The following ZMAT4 variants were observed in gnomAD, a reference collection of about 807,000 sequenced individuals.
ZMAT4 encodes the protein zinc finger matrin-type protein 4.
A neutral mutation model predicts 28.7 loss-of-function variants in ZMAT4; 17 were observed. That is an observed-to-expected ratio of 0.59 (90% CI 0.41 to 0.89). The LOEUF (loss-of-function observed/expected upper bound fraction) is 0.89, where lower values mean the gene tolerates loss of function less well. Ranked by LOEUF, ZMAT4 falls within the 40% of genes least tolerant of loss-of-function variation. ZMAT4 has a pLI of 0.00. For missense variants in ZMAT4, 240 were observed against 283.8 expected (o/e 0.85, Z 1.11); for synonymous variants, 117 against 109.2 (o/e 1.07, Z -0.44).
intron 6 of ZMAT4, among the ~76,000 whole-genome samples, 171 bp from the exon 7 acceptor site, chr8:40,532,409 A>G (rs940014558): frequency 5.7e-5 from 3 of 52,594 alleles, no homozygotes; most frequent in Non-Finnish European, 9.7e-5. Flanking sequence ...AATAACCTGT[A>G]TATATAAAAT....
In ZMAT4 at chr8:40,688,186, G is replaced by A. The variant is rs566827960; in HGVS notation, c.349+9059C>T. On this transcript the variant is annotated intron_variant, in intron 4 of 6. Coordinates refer to ENST00000297737, the MANE Select transcript of ZMAT4 (RefSeq NM_024645.3). Reference sequence around the variant, plus strand: ...AATAAAATAAAATAGGCCGGGGGGCGGTGGCTCATGCCTGTAATCCCAGCA... The same window carrying A: ...AATAAAATAAAATAGGCCGGGGGGCAGTGGCTCATGCCTGTAATCCCAGCA... Among the ~76,000 whole-genome samples, 18 of 152,270 alleles carry A rather than the reference G, an allele frequency of 1.2e-4. No individual in the cohort carries two copies. The East Asian group carries it at 1.5e-3, about 13-fold the overall frequency.
At chr8:40,639,767 T>C (rs1303049476) in intron 5 of ZMAT4, among the ~76,000 whole-genome samples, 1 of 65,278 alleles carries the variant, frequency 1.5e-5, no homozygotes, top group Non-Finnish European at 3.3e-5. Context: ...TTAAGTCCTT[T>C]TGTTACACAC....
chr8:40,587,498 T>C (rs1446543706), intron 5 of ZMAT4, among the ~76,000 whole-genome samples: 1 of 152,190 alleles, frequency 6.6e-6, no homozygotes, highest in Admixed American at 6.5e-5. Context: ...AGCACAAGAA[T>C]GGCTCGGAGT....
intron 4 of ZMAT4, among the ~76,000 whole-genome samples, chr8:40,695,548 G>A (rs1411614520): frequency 7.2e-5 from 11 of 152,224 alleles, no homozygotes; most frequent in Non-Finnish European, 1.5e-4. Flanking sequence ...GCAACAGGGA[G>A]GGCTGAGCTA....
chr8:40,763,470 T>G (rs1813018482), intron 3 of ZMAT4, among the ~76,000 whole-genome samples: 2 of 152,146 alleles, frequency 1.3e-5, no homozygotes, highest in South Asian at 4.1e-4. Context: ...TATAAAGCAT[T>G]TAGAACACGT....
At chr8:40,573,119 G>A (rs75877560) in intron 6 of ZMAT4, among the ~76,000 whole-genome samples, 14,642 of 152,154 alleles carry the variant, frequency 0.096, 920 homozygotes, top group Admixed American at 0.19. Context: ...AGGCTCACAA[G>A]TTACACTCCA....
Position 40,581,235 on chromosome 8 carries a change from T to A in ZMAT4, c.604A>T (p.Ile202Phe). The change falls in exon 6 of 7, where the codon ATC becomes TTC. Residue 202 changes from isoleucine to phenylalanine, a missense_variant. Transcript: ENST00000297737. ...RGLRRNYRCT[I>F]CSVSLNSIEQ... ...ATTGAGTTTAGGGAGACACTGCAGATGGTACATCTGTAATTGCGCCTCAGA... is the reference window on the plus strand; with the variant it reads ...ATTGAGTTTAGGGAGACACTGCAGAAGGTACATCTGTAATTGCGCCTCAGA... 2 of 1,613,468 alleles carry A rather than the reference T, an allele frequency of 1.2e-6. No homozygotes were observed. Among genetic ancestry groups the A allele is most frequent in the Non-Finnish European group, 1.7e-6 (2 of 1,179,544 alleles).
intron 6 of ZMAT4, among the ~76,000 whole-genome samples, chr8:40,564,831 A>G (rs1397685130): frequency 6.6e-6 from 1 of 152,224 alleles, no homozygotes; most frequent in Admixed American, 6.5e-5. Context: ...CATTGTGGGC[A>G]CAGGATGAGA....
intron 5 of ZMAT4, among the ~76,000 whole-genome samples, chr8:40,591,701 G>A (rs758821602): frequency 5.9e-5 from 9 of 152,132 alleles, no homozygotes; most frequent in East Asian, 1.9e-4. Context: ...TGTATCATTC[G>A]TAGTGGTTTA....
chr8:40,679,516 A>G (rs1018734319), intron 4 of ZMAT4, among the ~76,000 whole-genome samples: 1 of 152,190 alleles, frequency 6.6e-6, no homozygotes, highest in African/African-American at 2.4e-5. Context: ...ACATGGCAGC[A>G]GGAAGGAGAA....
intron 6 of ZMAT4, among the ~76,000 whole-genome samples, chr8:40,572,843 G>T (rs751159100): frequency 4.6e-5 from 7 of 152,100 alleles, no homozygotes; most frequent in Non-Finnish European, 8.8e-5. Context: ...GTAAAAGACC[G>T]TGTCTGGTTA....
chr8:40,565,561 A>G (rs1413705103), intron 6 of ZMAT4, among the ~76,000 whole-genome samples: 3 of 151,578 alleles, frequency 2.0e-5, no homozygotes, highest in African/African-American at 7.3e-5. Context: ...TATTTTTAGT[A>G]CAGATGGGAT....
At chr8:40,700,854 C>T (rs1810112124) in intron 3 of ZMAT4, among the ~76,000 whole-genome samples, 1 of 152,122 alleles carries the variant, frequency 6.6e-6, no homozygotes, top group African/African-American at 2.4e-5. Flanking sequence ...TATTTGTCTG[C>T]CTCATGAGAT....
At chr8:40,671,954 T>C (rs759046261) in intron 5 of ZMAT4, among the ~76,000 whole-genome samples, 1 of 152,232 alleles carries the variant, frequency 6.6e-6, no homozygotes, top group Non-Finnish European at 1.5e-5. Context: ...TGTTCATTCA[T>C]TCATTCATTC....
chr8:40,756,213 A>T (rs1812670374), intron 3 of ZMAT4, among the ~76,000 whole-genome samples: 1 of 151,886 alleles, frequency 6.6e-6, no homozygotes, highest in Non-Finnish European at 1.5e-5. Context: ...AGTTCTGTGT[A>T]TTTGTCTTAA....
chr8:40,890,706 T>C (rs951345477), intron 1 of ZMAT4, among the ~76,000 whole-genome samples: 4 of 152,112 alleles, frequency 2.6e-5, no homozygotes, highest in African/African-American at 7.2e-5. Context: ...CAGTGGCCCC[T>C]CCCTCCCTAC....
chr8:40,735,542 T>C (rs961563108), intron 3 of ZMAT4, among the ~76,000 whole-genome samples: 5 of 152,178 alleles, frequency 3.3e-5, no homozygotes, highest in African/African-American at 1.2e-4. Flanking sequence ...ATAAAGGATA[T>C]GAGTTAGAAA....
rs115456667 is a variant in ZMAT4 at position 40,635,026 on chromosome 8, A to G, written c.577+39678T>C. Among the ~76,000 whole-genome samples, 1,499 of 152,240 alleles carry G rather than the reference A, an allele frequency of 9.8e-3. 31 individuals are homozygous for G. The highest frequency in any genetic ancestry group is 0.034 in the African/African-American group (1,409 of 41,526). On this transcript the variant is annotated intron_variant, in intron 5 of 6. Coordinates refer to ENST00000297737, the MANE Select transcript of ZMAT4 (RefSeq NM_024645.3). The stretch of plus-strand genomic sequence containing the variant: ...TCCATTCTGTCTCCCCATTTAGGTG[A>G]TGAGAGATCTTTTTAAAGGCAAAGA...
intron 4 of ZMAT4, among the ~76,000 whole-genome samples, chr8:40,685,930 C>A (rs952282059): frequency 1.3e-5 from 2 of 152,184 alleles, no homozygotes; most frequent in South Asian, 2.1e-4. Flanking sequence ...GGCCCAGCCA[C>A]GATAGATGTT....
Sources: allele counts gnomAD v4.1 joint callset (sites outside exome capture counted in the v4.1 genomes callset), GRCh38; gene constraint gnomAD v4.1.1; transcripts MANE v1.5; gene names NCBI Gene and HGNC (gene_info 2026-07-23, HGNC 2026-07-21).